Variants in ASB3 observed in about 807,000 individuals in gnomAD.
ASB3 encodes ankyrin repeat and SOCS box protein 3.
ASB3 carries 41 observed loss-of-function variants against 54.5 expected under a neutral mutation model. The ratio of observed to expected loss-of-function variants is 0.75; its 90% CI spans 0.59 to 0.98. ASB3 has a LOEUF of 0.98. ASB3 is among the 50% of genes least tolerant of loss of function. The pLI, the probability that ASB3 is intolerant of heterozygous loss-of-function variation, is 0.00. For missense variants in ASB3, 733 were observed against 620.0 expected (o/e 1.18, Z -1.94); for synonymous variants, 266 against 221.2 (o/e 1.20, Z -1.80).
intron 3 of ASB3, among the ~76,000 whole-genome samples, chr2:53,730,778 G>C (rs907281987): frequency 6.6e-6 from 1 of 151,940 alleles, no homozygotes; most frequent in Non-Finnish European, 1.5e-5. Flanking sequence ...GTTTTGATTA[G>C]TAAGAAAAAA....
At chr2:53,708,936 G>A (rs550552714) in intron 7 of ASB3, among the ~76,000 whole-genome samples, 4 of 152,202 alleles carry the variant, frequency 2.6e-5, no homozygotes, top group Non-Finnish European at 5.9e-5. Flanking sequence ...AGGAGAAGCA[G>A]AGTATAAAAG....
At chr2:53,699,953 C>G (rs1416552592) in intron 8 of ASB3, among the ~76,000 whole-genome samples, 1 of 152,098 alleles carries the variant, frequency 6.6e-6, no homozygotes, top group Non-Finnish European at 1.5e-5. Flanking sequence ...CAAAGCAGCT[C>G]CAAGCATTCT....
intron 2 of ASB3, among the ~76,000 whole-genome samples, chr2:53,764,594 T>C (rs1311845311): frequency 2.0e-5 from 3 of 152,222 alleles, no homozygotes; most frequent in African/African-American, 7.2e-5. Context: ...AATCTCGCCT[T>C]TAGTCAATGA....
chr2:53,765,552 G>GT lies in ASB3; in HGVS notation c.20dup (p.Tyr7Ter). 1.2e-6 allele frequency: 2 copies of GT among 1,614,144 alleles called. No individual in the cohort carries two copies. Among genetic ancestry groups the GT allele is most frequent in the Non-Finnish European group, 1.7e-6 (2 of 1,180,012 alleles). The change falls in exon 2 of 10, where the codon TAC (tyrosine) becomes TAAC (stop). Residue 7 changes from tyrosine to a stop codon, truncating the protein, a stop_gained and frameshift_variant. Transcript: ENST00000263634. LOFTEE classifies it high-confidence loss of function. ...GTCCAACTGTAGAGCACGTGTCCGC[G>GT]TAAGCCTCTGTAAAATCCATTTGTT... Reference protein sequence around the residue: MDFTEAYADTCSTVGLA... With the variant: MDFTEA
At chr2:53,706,856 A>G (rs1220107990) in intron 7 of ASB3, among the ~76,000 whole-genome samples, 1 of 152,166 alleles carries the variant, frequency 6.6e-6, no homozygotes, top group East Asian at 1.9e-4. Flanking sequence ...AAAGCAATTC[A>G]TCCATTCTCA....
rs1003742730 is a variant in ASB3, at chr2:53,740,709, G to C, written c.355+10074C>G. ...TTAGGGATATAACAAAAACGTTGTG[G>C]CGAATATCCCAATCCAATCATCCAC... On this transcript the variant is annotated intron_variant, in intron 3 of 9. Transcript: ENST00000263634. Among the ~76,000 whole-genome samples the C allele has an allele frequency of 6.6e-5, 10 of 152,106 alleles. 1 individual carries two copies. Among genetic ancestry groups the C allele is most frequent in the Admixed American group, 3.9e-4 (6 of 15,256 alleles).
At chr2:53,704,205 C>A (rs989113231) in intron 7 of ASB3, among the ~76,000 whole-genome samples, 1 of 151,594 alleles carries the variant, frequency 6.6e-6, no homozygotes, top group Non-Finnish European at 1.5e-5. Context: ...ACTAAAAATA[C>A]AAAAATTAGC....
chr2:53,771,942 G>A (rs551527866), intron 1 of ASB3: 10 of 1,528,498 alleles, frequency 6.5e-6, no homozygotes, highest in South Asian at 5.0e-5. Context: ...AAGATCCTGC[G>A]GTATGGTATA....
intron 3 of ASB3, among the ~76,000 whole-genome samples, chr2:53,744,257 G>A (rs541193804): frequency 5.0e-4 from 75 of 151,042 alleles, no homozygotes; most frequent in African/African-American, 1.4e-3. Context: ...GGTCACAGGC[G>A]CCTGTAATCC....
At chr2:53,705,426 G>A (rs1669716506) in intron 7 of ASB3, among the ~76,000 whole-genome samples, 2 of 152,154 alleles carry the variant, frequency 1.3e-5, no homozygotes, top group South Asian at 4.1e-4. Context: ...GTTAACTCAT[G>A]TCTGTGACCA....
chr2:53,737,048 T>C (rs1234212056), intron 3 of ASB3, among the ~76,000 whole-genome samples: 2 of 152,182 alleles, frequency 1.3e-5, no homozygotes, highest in Non-Finnish European at 2.9e-5. Flanking sequence ...CCTCGCCAAA[T>C]TGAATAAGCT....
chr2:53,753,606 A>G (rs952864763), intron 2 of ASB3, among the ~76,000 whole-genome samples: 1 of 151,944 alleles, frequency 6.6e-6, no homozygotes, highest in Non-Finnish European at 1.5e-5. Flanking sequence ...TCCAGTAGCA[A>G]CAAGCACACC....
chr2:53,758,800 T>G (rs1194950589), intron 2 of ASB3, among the ~76,000 whole-genome samples: 2 of 152,122 alleles, frequency 1.3e-5, no homozygotes, highest in Non-Finnish European at 2.9e-5. Flanking sequence ...TGACTAGAGG[T>G]GCTGGCATCC....
intron 1 of ASB3, among the ~76,000 whole-genome samples, chr2:53,771,495 T>A (rs1305459258): frequency 6.6e-6 from 1 of 152,050 alleles, no homozygotes; most frequent in East Asian, 1.9e-4. Context: ...CCTGGGCTTG[T>A]TGAGCAAAAC....
chr2:53,706,141 G>A (rs571006701), intron 7 of ASB3, among the ~76,000 whole-genome samples: 1 of 152,276 alleles, frequency 6.6e-6, no homozygotes, highest in East Asian at 1.9e-4. Context: ...ATAATGGAAT[G>A]AGATTTAGCA....
At chr2:53,775,043 T>C (rs906427457) in intron 1 of ASB3, 5 of 152,666 alleles carry the variant, frequency 3.3e-5, no homozygotes, top group African/African-American at 1.2e-4. Flanking sequence ...TGAAATCTTT[T>C]GAGTTTTTAG....
At chr2:53,767,949 G>A (rs1189105206) in intron 1 of ASB3, 1 of 1,614,108 alleles carries the variant, frequency 6.2e-7, no homozygotes, top group South Asian at 1.1e-5. Flanking sequence ...AGGACAAGCT[G>A]GTCGGATACA....
At chr2:53,778,309 A>T (rs896574448) in intron 1 of ASB3, among the ~76,000 whole-genome samples, 1 of 152,162 alleles carries the variant, frequency 6.6e-6, no homozygotes, top group Non-Finnish European at 1.5e-5. Context: ...TTAATTATAA[A>T]CTGACTATAG....
chr2:53,774,323 A>T (rs772989378), intron 1 of ASB3: 1 of 1,613,804 alleles, frequency 6.2e-7, no homozygotes, highest in South Asian at 1.1e-5. Flanking sequence ...AATCCTGATT[A>T]TCTTGGTCCT....
Sources: gnomAD v4.1 joint callset for allele counts (sites outside exome capture counted in the v4.1 genomes callset) on GRCh38, gnomAD v4.1.1 for gene constraint, MANE v1.5 for transcripts, NCBI Gene and HGNC (gene_info 2026-07-23, HGNC 2026-07-21) for gene names.